F9: variants seen among roughly 807,000 people sequenced by gnomAD.
F9 encodes coagulation factor IX, also known as Christmas factor.
In F9, 2 loss-of-function variants were observed where a neutral mutation model predicts 34.1. That is an observed-to-expected ratio of 0.06 (90% CI 0.02 to 0.18). The LOEUF (loss-of-function observed/expected upper bound fraction) is 0.18. F9 is among the 10% of genes least tolerant of loss of function. The pLI, the probability that F9 is intolerant of heterozygous loss-of-function variation, is 1.00. For synonymous variants in F9, 137 were observed against 118.8 expected, an observed-to-expected ratio of 1.15 and a Z score of -1.00; for missense variants, 216 against 345.1, an observed-to-expected ratio of 0.63 and a Z score of 2.96.
chrX:139,537,705 T>C (rs1453826658), intron 3 of F9, among the ~76,000 whole-genome samples: 1 of 111,634 alleles, frequency 9.0e-6, no homozygotes, highest in Non-Finnish European at 1.9e-5. Context: ...AATCAGAGAC[T>C]GCTGATTGAC....
chrX:139,534,843 A>G (rs1473469048), intron 1 of F9, among the ~76,000 whole-genome samples: 1 of 111,392 alleles, frequency 9.0e-6, no homozygotes, highest in Non-Finnish European at 1.9e-5. Flanking sequence ...GGCCAAGTAA[A>G]TGAGTTGCTG....
At chrX:139,536,501 C>CT (rs1322042255) in intron 1 of F9, among the ~76,000 whole-genome samples, 1 of 110,978 alleles carries the variant, frequency 9.0e-6, no homozygotes, top group African/African-American at 3.3e-5. Context: ...TCTGAAATTG[C>CT]TTTTTTAAAT....
rs1928137771 is a variant in F9 at position 139,562,147 on chromosome X, A to T, written c.*76A>T. ...CCTCTCACTAACTAATCACTTTCCC[A>T]TCTTTTGTTAGATTTGAATATATAC... On this transcript the variant is annotated 3_prime_UTR_variant, in exon 8 of 8. Coordinates refer to ENST00000218099, the MANE Select transcript of F9 (RefSeq NM_000133.4). The T allele has an allele frequency of 2.2e-6, 2 of 888,896 alleles. No individual in the cohort carries two copies. The highest frequency in any genetic ancestry group is 2.4e-5 in the Admixed American group (1 of 42,336). 73.3% of individuals were successfully genotyped at this position (888,896 alleles called of 1,213,427 possible).
intron 3 of F9, among the ~76,000 whole-genome samples, chrX:139,540,449 T>C (rs1303272368): frequency 3.6e-5 from 4 of 112,151 alleles, no homozygotes. Flanking sequence ...CTAGACCATT[T>C]GAAACCGAAT....
chrX:139,541,379 T>A (rs1364043431), intron 4 of F9, among the ~76,000 whole-genome samples, 190 bp downstream of exon 4: 1 of 111,702 alleles, frequency 9.0e-6, no homozygotes, highest in African/African-American at 3.3e-5. Context: ...AATAACAATA[T>A]TTGGTAACTA....
chrX:139,548,936 T>A (rs1473512052), intron 5 of F9, among the ~76,000 whole-genome samples: 8 of 111,713 alleles, frequency 7.2e-5, no homozygotes, highest in African/African-American at 2.6e-4. Context: ...TATTGTTGGG[T>A]CTTAAGCTGA....
Position 139,548,478 on chromosome X carries a change from C to G in F9, c.507C>G (p.Ser169=), listed in dbSNP as rs565055999. ...EGYRLAENQK[S]CEPAVPFPCG... is the part of the protein sequence containing the mutation. ...ATCGACTTGCAGAAAACCAGAAGTC[C>G]TGTGAACCAGCAGGTCATAATCTGA... is the stretch of plus-strand genomic sequence containing the variant. Residue 169 remains serine, a synonymous_variant, in exon 5 of 8, where the codon TCC becomes TCG. Transcript: ENST00000218099. 9.5e-5 allele frequency: 115 copies of G among 1,208,011 alleles called. No individual in the cohort carries two copies. In the South Asian group the frequency reaches 2.0e-3, roughly 21 times the overall value.
intron 4 of F9, among the ~76,000 whole-genome samples, chrX:139,542,544 G>C (rs942490964): frequency 2.0e-4 from 22 of 112,028 alleles, no homozygotes; most frequent in African/African-American, 6.8e-4. Flanking sequence ...CCTTGGAGTA[G>C]TTACTCATTA....
chrX:139,543,305 A>C (rs1248331951), intron 4 of F9, among the ~76,000 whole-genome samples: 1 of 111,601 alleles, frequency 9.0e-6, no homozygotes, highest in Non-Finnish European at 1.9e-5. Flanking sequence ...GTTAGAATAA[A>C]GACCTCTGTA....
intron 3 of F9, among the ~76,000 whole-genome samples, chrX:139,538,489 GT>G (rs1927533659): frequency 9.0e-6 from 1 of 111,605 alleles, no homozygotes; most frequent in Admixed American, 9.5e-5. Flanking sequence ...ATTTTCTACA[GT>G]TTATGTTCTG....
At chrX:139,549,688 G>A (rs1927797898) in intron 5 of F9, among the ~76,000 whole-genome samples, 1 of 112,282 alleles carries the variant, frequency 8.9e-6, no homozygotes, top group South Asian at 3.7e-4. Context: ...GGGTGGGCCA[G>A]GTGTTCCTTG....
At chrX:139,536,958 CATG>C in intron 1 of F9, 49 bp from the exon 2 acceptor site, 8 of 1,087,627 alleles carry the variant, frequency 7.4e-6, no homozygotes, top group African/African-American at 1.8e-5. Context: ...GTAAAATTTT[CATG>C]ATGTTTTCTT....
chrX:139,536,858 G>T (rs761503851), intron 1 of F9, 152 bp from the exon 2 acceptor site: 1 of 498,745 alleles, frequency 2.0e-6, no homozygotes, highest in Non-Finnish European at 3.4e-6. Context: ...ATACAGTACT[G>T]TGGGAACATC....
chrX:139,557,953 C>T (rs965537431), intron 6 of F9, among the ~76,000 whole-genome samples: 1 of 112,340 alleles, frequency 8.9e-6, no homozygotes. Context: ...GGTGGTTTCT[C>T]GACCTCCCAC....
chrX:139,551,782 G>A (rs1927850484), intron 6 of F9, among the ~76,000 whole-genome samples: 1 of 111,749 alleles, frequency 8.9e-6, no homozygotes, highest in African/African-American at 3.3e-5. Context: ...TGGGAACGTA[G>A]AAATGCAAAT....
intron 5 of F9, among the ~76,000 whole-genome samples, chrX:139,548,736 A>G (rs1451988358): frequency 1.8e-5 from 2 of 111,985 alleles, no homozygotes; most frequent in Admixed American, 9.5e-5. Flanking sequence ...TCTAACATTT[A>G]TATCACAAAG....
rs1384903154 is a variant in F9 at position 139,560,758 on chromosome X, A to G, written c.741A>G (p.Lys247=). The G allele has an allele frequency of 3.3e-6, 4 of 1,204,626 alleles. No individual in the cohort carries two copies. Among genetic ancestry groups the G allele is most frequent in the Non-Finnish European group, 4.5e-6 (4 of 890,512 alleles). Residue 247 remains lysine (K), a synonymous_variant, in exon 7 of 8, where the codon AAA becomes AAG. Coordinates refer to ENST00000218099, the MANE Select transcript of F9 (RefSeq NM_000133.4). ...QFPWQVVLNG[K]VDAFCGGSIV... ...TTTCACAGGTTGTTTTGAATGGTAAAGTTGATGCATTCTGTGGAGGCTCTA... is the reference window on the plus strand; with the variant it reads ...TTTCACAGGTTGTTTTGAATGGTAAGGTTGATGCATTCTGTGGAGGCTCTA...
chrX:139,562,848 T>A lies in F9; in HGVS notation c.*777T>A, dbSNP rs1928154890. 1 of 102,189 alleles carries A rather than the reference T, an allele frequency of 9.8e-6. No homozygotes were observed. The highest frequency in any genetic ancestry group is 3.5e-5 in the African/African-American group (1 of 28,556). 8.4% of individuals were successfully genotyped at this position (102,189 alleles called of 1,213,427 possible). A position where few individuals can be genotyped will look rare whatever the true frequency, so the allele number is the denominator to read the frequency against. ...GTTTCTTTCAGAGAGTTAAGTTATTTTATATATATAATATATATATAAAAT... is the reference window on the plus strand; with the variant it reads ...GTTTCTTTCAGAGAGTTAAGTTATTATATATATATAATATATATATAAAAT... On this transcript the variant is annotated 3_prime_UTR_variant, in exon 8 of 8. Coordinates refer to ENST00000218099, the MANE Select transcript of F9 (RefSeq NM_000133.4).
intron 1 of F9, among the ~76,000 whole-genome samples, chrX:139,535,819 A>G (rs1927446037): frequency 9.0e-6 from 1 of 111,487 alleles, no homozygotes; most frequent in African/African-American, 3.3e-5. Context: ...GAAATGTGTC[A>G]TTAAGCAATT....
Sources: gnomAD v4.1 joint callset for allele counts (sites outside exome capture counted in the v4.1 genomes callset) on GRCh38, gnomAD v4.1.1 for gene constraint, MANE v1.5 for transcripts, NCBI Gene and HGNC (gene_info 2026-07-23, HGNC 2026-07-21) for gene names.